The following PKIB variants were observed in gnomAD, a reference collection of about 807,000 sequenced individuals.
PKIB encodes the protein PKI-beta.
Under a neutral mutation model 4.5 loss-of-function variants are expected in PKIB, and 2 were observed. That is an observed-to-expected ratio of 0.44 (90% CI 0.18 to 1.39). The LOEUF (loss-of-function observed/expected upper bound fraction) is 1.39. PKIB is among the 40% of genes most tolerant of loss of function. The pLI, the probability that PKIB is intolerant of heterozygous loss-of-function variation, is 0.27. For missense variants in PKIB, 94 were observed against 92.6 expected, an observed-to-expected ratio of 1.02 and a Z score of -0.06; for synonymous variants, 38 against 36.0, an observed-to-expected ratio of 1.06 and a Z score of -0.20.
intron 1 of PKIB, among the ~76,000 whole-genome samples, chr6:122,613,414 A>C (rs772607717): frequency 1.3e-5 from 2 of 152,158 alleles, no homozygotes; most frequent in African/African-American, 2.4e-5. Context: ...AGATTTAGGG[A>C]TCTAAGGCCC....
Position 122,725,340 on chromosome 6 carries a change from T to C in PKIB, c.*145T>C. 2 of 645,596 alleles carry C rather than the reference T, an allele frequency of 3.1e-6. No individual in the cohort carries two copies. Among genetic ancestry groups the C allele is most frequent in the Non-Finnish European group, 5.4e-6 (2 of 372,468 alleles). 40.0% of individuals were successfully genotyped at this position (645,596 alleles called of 1,614,324 possible). A position where few individuals can be genotyped will look rare whatever the true frequency, so the allele number is the denominator to read the frequency against. The stretch of plus-strand genomic sequence containing the variant: ...TGTATATTAGATAATTGTGTTGTGA[T>C]GCTACTCACTTTGATTGCAATGATG... On this transcript the variant is annotated 3_prime_UTR_variant, in exon 5 of 5. Transcript: ENST00000368452.
intron 1 of PKIB, among the ~76,000 whole-genome samples, chr6:122,475,542 T>C (rs954703442): frequency 6.6e-6 from 1 of 152,084 alleles, no homozygotes; most frequent in Non-Finnish European, 1.5e-5. Context: ...TCCCAGCACT[T>C]TGGGAGCCTA....
At chr6:122,512,345 T>A (rs1410957775) in intron 2 of PKIB, among the ~76,000 whole-genome samples, 2 of 152,186 alleles carry the variant, frequency 1.3e-5, no homozygotes, top group African/African-American at 4.8e-5. Context: ...CTCAACTTTC[T>A]CTCTTTTCCC....
chr6:122,544,075 C>G (rs1468510949), intron 2 of PKIB, among the ~76,000 whole-genome samples: 1 of 151,646 alleles, frequency 6.6e-6, no homozygotes, highest in Non-Finnish European at 1.5e-5. Context: ...TTTATAAATA[C>G]CATAATCAAA....
intron 2 of PKIB, among the ~76,000 whole-genome samples, chr6:122,652,167 G>T (rs1776578503): frequency 1.3e-5 from 2 of 151,984 alleles, no homozygotes; most frequent in Non-Finnish European, 2.9e-5. Flanking sequence ...AATCTGTATG[G>T]GTCAGTCAGG....
At chr6:122,545,845 A>T (rs965741199) in intron 2 of PKIB, among the ~76,000 whole-genome samples, 3 of 151,354 alleles carry the variant, frequency 2.0e-5, no homozygotes, top group Non-Finnish European at 4.4e-5. Context: ...ATGTGAAAAA[A>T]AAAAGTCAAG....
At chr6:122,517,592 T>C (rs1303730776) in intron 2 of PKIB, among the ~76,000 whole-genome samples, 2 of 152,202 alleles carry the variant, frequency 1.3e-5, no homozygotes, top group Non-Finnish European at 2.9e-5. Flanking sequence ...CCTGTTTGCC[T>C]TGAGAATACT....
intron 2 of PKIB, among the ~76,000 whole-genome samples, chr6:122,488,461 C>T (rs1395605328): frequency 6.6e-6 from 1 of 152,068 alleles, no homozygotes; most frequent in Non-Finnish European, 1.5e-5. Flanking sequence ...TCCAGGGTCT[C>T]ACTGTGTTGC....
chr6:122,582,283 C>T (rs1773724433), intron 2 of PKIB, among the ~76,000 whole-genome samples: 1 of 151,916 alleles, frequency 6.6e-6, no homozygotes, highest in Non-Finnish European at 1.5e-5. Flanking sequence ...CCACTGTGGA[C>T]TTCCCTTATT....
At chr6:122,622,764 A>G (rs965840528) in intron 1 of PKIB, among the ~76,000 whole-genome samples, 1 of 148,896 alleles carries the variant, frequency 6.7e-6, no homozygotes, top group Non-Finnish European at 1.5e-5. Context: ...AAACATCCCC[A>G]CAGGCATGAG....
At chr6:122,525,023 T>C (rs1777057733) in intron 2 of PKIB, among the ~76,000 whole-genome samples, 1 of 151,866 alleles carries the variant, frequency 6.6e-6, no homozygotes, top group African/African-American at 2.4e-5. Flanking sequence ...TCAGTTTTTT[T>C]CCCCTAGTTT....
At chr6:122,503,011 G>T (rs1327875430) in intron 2 of PKIB, among the ~76,000 whole-genome samples, 1 of 152,170 alleles carries the variant, frequency 6.6e-6, no homozygotes, top group Non-Finnish European at 1.5e-5. Flanking sequence ...TTAGTGTCTG[G>T]TGATGGCCTA....
At chr6:122,636,607 G>T (rs1374576430) in intron 2 of PKIB, among the ~76,000 whole-genome samples, 1 of 152,030 alleles carries the variant, frequency 6.6e-6, no homozygotes, top group Non-Finnish European at 1.5e-5. Flanking sequence ...TCTTGGATGA[G>T]AATAATAGAT....
chr6:122,691,336 G>C (rs1168687336), intron 3 of PKIB, among the ~76,000 whole-genome samples: 2 of 151,538 alleles, frequency 1.3e-5, no homozygotes, highest in African/African-American at 4.8e-5. Context: ...CCTTTTTGAG[G>C]GTATTTTCTA....
intron 2 of PKIB, among the ~76,000 whole-genome samples, chr6:122,652,273 T>C (rs1776583335): frequency 2.1e-5 from 3 of 142,326 alleles, no homozygotes; most frequent in Non-Finnish European, 3.0e-5. Flanking sequence ...ATATATATGT[T>C]GTGTGCATAT....
At chr6:122,632,973 A>G (rs2114824466) in intron 1 of PKIB, among the ~76,000 whole-genome samples, 1 of 152,354 alleles carries the variant, frequency 6.6e-6, no homozygotes, top group African/African-American at 2.4e-5. Context: ...CATGAGAAAG[A>G]CTGCTCAGAA....
At chr6:122,681,337 A>C (rs1777887991) in intron 3 of PKIB, among the ~76,000 whole-genome samples, 1 of 152,230 alleles carries the variant, frequency 6.6e-6, no homozygotes, top group Non-Finnish European at 1.5e-5. Context: ...TCATAAGTGA[A>C]TAAAAATGAC....
chr6:122,661,396 C>A (rs9490515), intron 2 of PKIB, among the ~76,000 whole-genome samples: 1 of 152,128 alleles, frequency 6.6e-6, no homozygotes, highest in African/African-American at 2.4e-5. Flanking sequence ...TAGGCCACCA[C>A]AAATTTTTCT....
Position 122,570,875 on chromosome 6 carries a change from A to T in PKIB, c.-247-15046A>T, listed in dbSNP as rs537304878. Among the ~76,000 whole-genome samples the T allele has an allele frequency of 4.6e-5, 7 of 152,232 alleles. No homozygotes were observed. The South Asian group carries it at 1.2e-3, about 27-fold the overall frequency. ...TGTAACACCCCCAAAAGATCAAACT[A>T]ACTCCCCAAAAATTGCTTCAAACCA... On this transcript the variant is annotated intron_variant, in intron 2 of 6. Coordinates refer to the PKIB transcript ENST00000392491.
Sources: gnomAD v4.1 joint callset for allele counts (sites outside exome capture counted in the v4.1 genomes callset) on GRCh38, gnomAD v4.1.1 for gene constraint, MANE v1.5 for transcripts, NCBI Gene and HGNC (gene_info 2026-07-23, HGNC 2026-07-21) for gene names.